The following RNF19A variants were observed in gnomAD, a reference collection of about 807,000 sequenced individuals.
The protein encoded by RNF19A is E3 ubiquitin-protein ligase RNF19A.
RNF19A carries 32 observed loss-of-function variants against 75.7 expected under a neutral mutation model. That is an observed-to-expected ratio of 0.42 (90% CI 0.32 to 0.57). The LOEUF (loss-of-function observed/expected upper bound fraction) is 0.57. RNF19A is among the 20% of genes least tolerant of loss of function. The probability of loss-of-function intolerance (pLI) is 0.10; values close to 1 mark genes in which losing one functional copy is unlikely to be tolerated. For synonymous variants in RNF19A, 335 were observed against 345.2 expected, an observed-to-expected ratio of 0.97 and a Z score of 0.33; for missense variants, 782 against 1,036.3, an observed-to-expected ratio of 0.75 and a Z score of 3.37.
Position 100,261,749 on chromosome 8 carries a change from G to A in RNF19A, c.1475C>T (p.Thr492Ile). 6.2e-7 allele frequency: 1 copy of A among 1,613,974 alleles called. No homozygotes were observed. The highest frequency in any genetic ancestry group is 8.5e-7 in the Non-Finnish European group (1 of 1,179,882). The change falls in exon 8 of 10, where the codon ACA becomes ATA. Residue 492 changes from threonine (T) to isoleucine (I), a missense_variant. Around this residue, in one of 7 missense-constraint regions of RNF19A, gnomAD observed 442 missense variants for 541.6 expected, o/e 0.82. Coordinates refer to ENST00000341084, the MANE Select transcript of RNF19A (RefSeq NM_183419.4). This position sits in a 1 kb window ranked among gnomAD's most constrained non-coding sequence, Gnocchi z 4.4. The stretch of plus-strand genomic sequence containing the variant: ...GTTGTGTCTTGCTTCTGCTACTGAT[G>A]TTGTGTCTAAATGCAAATATTCCAA... ...VGGTNTAVDTTSVAEARHNPS... is the reference protein window; with the variant it reads ...VGGTNTAVDTISVAEARHNPS...
rs568192454 is a variant in RNF19A at position 100,260,894 on chromosome 8, C to A, written c.1682+648G>T. 5.8e-4 allele frequency among the ~76,000 whole-genome samples: 89 copies of A among 152,200 alleles called. No homozygotes were observed. The highest frequency in any genetic ancestry group is 1.0e-3 in the Non-Finnish European group (70 of 68,036). ...CACATTCCTGGATGTCCTGACTCCA[C>A]CTGTTTCCCAGGACTCAGCCAAAGT... On this transcript the variant is annotated intron_variant, in intron 8 of 9. Transcript: ENST00000341084. The surrounding 1 kb of genome is among the most constrained non-coding windows in gnomAD (Gnocchi z 4.1).
intron 1 of RNF19A, among the ~76,000 whole-genome samples, chr8:100,292,240 T>C (rs1821332375): frequency 6.6e-6 from 1 of 152,248 alleles, no homozygotes; most frequent in Non-Finnish European, 1.5e-5. Context: ...AATGGCTATG[T>C]ATTTGCATGT....
Position 100,287,492 on chromosome 8 carries a change from T to C in RNF19A, c.674+9A>G. On this transcript the variant is annotated intron_variant, in intron 2 of 9. Transcript: ENST00000341084. The surrounding 1 kb of genome is among the most constrained non-coding windows in gnomAD (Gnocchi z 4.1). ...TTAACTCAAGAAAAATCAAACATTA[T>C]CTTCTTACCCACAGTCTGGAGCTGG... The C allele has an allele frequency of 6.4e-7, 1 of 1,558,768 alleles. No individual in the cohort carries two copies. The highest frequency in any genetic ancestry group is 8.7e-7 in the Non-Finnish European group (1 of 1,153,632).
At position 100,287,023 on chromosome 8, in the gene RNF19A, T is replaced by G. The variant is rs1821054581; in HGVS notation, c.674+478A>C. On this transcript the variant is annotated intron_variant, in intron 2 of 9. Coordinates refer to ENST00000341084, the MANE Select transcript of RNF19A (RefSeq NM_183419.4). This position sits in a 1 kb window ranked among gnomAD's most constrained non-coding sequence, Gnocchi z 4.1. ...TAGCAAATGCTTATGTATATCAACA[T>G]GAACACATCATACTGTGGCACATGC... Among the ~76,000 whole-genome samples, 1 of 152,122 alleles carries G rather than the reference T, an allele frequency of 6.6e-6. No homozygotes were observed. Among genetic ancestry groups the G allele is most frequent in the East Asian group, 1.9e-4 (1 of 5,200 alleles).
At chr8:100,291,789 T>G (rs185315487) in intron 1 of RNF19A, among the ~76,000 whole-genome samples, 2 of 152,324 alleles carry the variant, frequency 1.3e-5, no homozygotes, top group Non-Finnish European at 2.9e-5. Flanking sequence ...GAAAATCCAG[T>G]AATTTTGTGC....
At position 100,309,387 on chromosome 8, in the gene RNF19A, G is replaced by C. The variant is rs1822197933; in HGVS notation, c.-94+480C>G. On this transcript the variant is annotated intron_variant, in intron 1 of 9. Coordinates refer to ENST00000341084, the MANE Select transcript of RNF19A (RefSeq NM_183419.4). ...GGCTCCAAATTTGCAGCGAGGCCCG[G>C]AAATCGGTCCCGTTAGAGCCGATTT... 3 of 985,750 alleles carry C rather than the reference G, an allele frequency of 3.0e-6. No homozygotes were observed. In the Admixed American group the frequency reaches 1.8e-4, roughly 61 times the overall value. 61.1% of individuals were successfully genotyped at this position (985,750 alleles called of 1,614,324 possible).
intron 2 of RNF19A, among the ~76,000 whole-genome samples, chr8:100,281,801 A>C (rs1820793393): frequency 6.6e-6 from 1 of 152,176 alleles, no homozygotes; most frequent in Non-Finnish European, 1.5e-5. Context: ...AAATAGCAAA[A>C]TTATTTGATC....
In RNF19A at chr8:100,332,214, C is replaced by G. The variant is rs1446830072; in HGVS notation, c.-243+3894G>C. On this transcript the variant is annotated intron_variant, in intron 1 of 3. Coordinates refer to the RNF19A transcript ENST00000519527. This position sits in a 1 kb window ranked among gnomAD's most constrained non-coding sequence, Gnocchi z 4.8. ...CTCTGTGTCCCCATGTAAATCTTAT[C>G]TTGAATTGTAATCCCCATAATCCCC... is the stretch of plus-strand genomic sequence containing the variant. 6.6e-6 allele frequency among the ~76,000 whole-genome samples: 1 copy of G among 152,150 alleles called. No individual in the cohort carries two copies. The highest frequency in any genetic ancestry group is 1.5e-5 in the Non-Finnish European group (1 of 68,028).
chr8:100,310,290 C>A (rs1033667127), upstream of RNF19A: 5 of 969,656 alleles, frequency 5.2e-6, no homozygotes, highest in African/African-American at 8.8e-5. Flanking sequence ...GCGCAGGAGC[C>A]GCCCCGCTGC....
chr8:100,317,559 G>A lies in RNF19A; in HGVS notation c.-242-4187C>T, dbSNP rs922557057. Among the ~76,000 whole-genome samples the A allele has an allele frequency of 6.6e-6, 1 of 152,062 alleles. No individual in the cohort carries two copies. The highest frequency in any genetic ancestry group is 1.5e-5 in the Non-Finnish European group (1 of 68,002). ...AGGTCTTCTTGATGGATTCTCAGGC[G>A]ACTGTTCCCATTTGCCTACTCCAGT... On this transcript the variant is annotated intron_variant, in intron 1 of 3. Coordinates refer to the RNF19A transcript ENST00000519527. This position sits in a 1 kb window ranked among gnomAD's most constrained non-coding sequence, Gnocchi z 4.3.
chr8:100,280,549 G>T (rs1167372845), intron 2 of RNF19A, among the ~76,000 whole-genome samples: 1 of 152,128 alleles, frequency 6.6e-6, no homozygotes, highest in African/African-American at 2.4e-5. Context: ...AAACATTCAA[G>T]TCTTACTGAA....
chr8:100,312,722 G>A (rs1822319467), upstream of RNF19A, among the ~76,000 whole-genome samples: 2 of 151,986 alleles, frequency 1.3e-5, no homozygotes, highest in South Asian at 4.1e-4. Flanking sequence ...CCAGGAGTTT[G>A]ATACCAGCCG....
At chr8:100,311,647 G>A (rs932023023), upstream of RNF19A, among the ~76,000 whole-genome samples, 29 of 151,452 alleles carry the variant, frequency 1.9e-4, no homozygotes, top group Non-Finnish European at 2.9e-5. Flanking sequence ...GAACCCGGGC[G>A]GCGGAGCTTG....
At chr8:100,299,898 T>C (rs188629875) in intron 1 of RNF19A, among the ~76,000 whole-genome samples, 1 of 152,318 alleles carries the variant, frequency 6.6e-6, no homozygotes, top group African/African-American at 2.4e-5. Context: ...AGCTCATTTG[T>C]CTCTTTCTCC....
At position 100,269,660 on chromosome 8, in the gene RNF19A, AAAAC is replaced by A. The variant is rs1226437479; in HGVS notation, c.1028+205_1028+208del. Among the ~76,000 whole-genome samples, 1 of 152,188 alleles carries A rather than the reference AAAAC, an allele frequency of 6.6e-6. No homozygotes were observed. The highest frequency in any genetic ancestry group is 1.5e-5 in the Non-Finnish European group (1 of 67,996). ...TACTTACTAGCATTCTAGTTTAACAAAAACAAAAAAAGGAAATATCCATTTCCTA... is the reference window on the plus strand; with the variant it reads ...TACTTACTAGCATTCTAGTTTAACAAAAAAAAAGGAAATATCCATTTCCTA... On this transcript the variant is annotated intron_variant, in intron 4 of 9. Transcript: ENST00000341084. The surrounding 1 kb of genome is among the most constrained non-coding windows in gnomAD (Gnocchi z 5.7).
At chr8:100,303,145 G>C (rs1821915342) in intron 1 of RNF19A, 1 of 152,218 alleles carries the variant, frequency 6.6e-6, no homozygotes, top group Non-Finnish European at 1.5e-5. Context: ...TTAAGACAAT[G>C]GACATTTCTC....
At chr8:100,282,609 T>C (rs1231024004) in intron 2 of RNF19A, among the ~76,000 whole-genome samples, 3 of 152,094 alleles carry the variant, frequency 2.0e-5, no homozygotes, top group Admixed American at 6.5e-5. Context: ...TATGGCTCTT[T>C]ATACCCTAAA....
intron 1 of RNF19A, among the ~76,000 whole-genome samples, chr8:100,328,766 G>C (rs1250019866): frequency 6.6e-6 from 1 of 152,186 alleles, no homozygotes; most frequent in African/African-American, 2.4e-5. Flanking sequence ...CACCGCACCT[G>C]GTCTGCGTTA....
At chr8:100,279,376 T>C (rs1397611165) in intron 2 of RNF19A, among the ~76,000 whole-genome samples, 3 of 152,042 alleles carry the variant, frequency 2.0e-5, no homozygotes, top group African/African-American at 7.2e-5. Context: ...TTTTGTTTTG[T>C]TTTGTTTTGT....
Sources: allele counts gnomAD v4.1 joint callset (sites outside exome capture counted in the v4.1 genomes callset), GRCh38; gene constraint gnomAD v4.1.1; regional missense constraint gnomAD v4.1.1; non-coding constraint Gnocchi (gnomAD v3.1); transcripts MANE v1.5; gene names NCBI Gene and HGNC (gene_info 2026-07-23, HGNC 2026-07-21).